JMJD1C: variants seen among roughly 807,000 people sequenced by gnomAD.
JMJD1C encodes the protein jumonji domain containing 1C.
A neutral mutation model predicts 245.3 loss-of-function variants in JMJD1C; 31 were observed. That is an observed-to-expected ratio of 0.13 (90% CI 0.09 to 0.17). The LOEUF is 0.17. Among genes scored for constraint, JMJD1C ranks in the 10% least tolerant of loss-of-function variants. JMJD1C has a pLI of 1.00. For synonymous variants in JMJD1C, 1,057 were observed against 1,017.4 expected (o/e 1.04, Z -0.74); for missense variants, 2,691 against 3,000.2 (o/e 0.90, Z 2.41).
intron 2 of JMJD1C, among the ~76,000 whole-genome samples, chr10:63,276,556 G>A (rs1479200452): frequency 1.3e-5 from 2 of 152,084 alleles, no homozygotes; most frequent in African/African-American, 4.8e-5. Context: ...ATGGTGGCAG[G>A]TGCCTGTGAT....
rs1846878588 is a variant in JMJD1C, at chr10:63,208,147, G to A, written c.3522C>T (p.His1174=). 1.9e-6 allele frequency: 3 copies of A among 1,614,082 alleles called. No individual in the cohort carries two copies. The highest frequency in any genetic ancestry group is 2.5e-6 in the Non-Finnish European group (3 of 1,180,030). Residue 1174 remains histidine (H), a synonymous_variant, in exon 10 of 26, where the codon CAC becomes CAT. Transcript: ENST00000399262. Reference sequence around the variant, plus strand: ...AATCATTTCTGAAGGTTGTTACTGAGTGAGATGCAATCTGATGTGGAAGAT... The same window carrying A: ...AATCATTTCTGAAGGTTGTTACTGAATGAGATGCAATCTGATGTGGAAGAT... ...PEHLPHQIAS[H]SVTTFRNDCR...
intron 1 of JMJD1C, among the ~76,000 whole-genome samples, chr10:63,519,290 T>C (rs750828223): frequency 6.6e-6 from 1 of 152,212 alleles, no homozygotes; most frequent in Non-Finnish European, 1.5e-5. Context: ...CCTGAAGGCA[T>C]TAATGTACTA....
intron 2 of JMJD1C, among the ~76,000 whole-genome samples, chr10:63,299,144 A>C (rs1050755655): frequency 6.6e-5 from 10 of 152,222 alleles, no homozygotes; most frequent in Non-Finnish European, 1.2e-4. Flanking sequence ...AAAGTTTAGA[A>C]ATAAAGATAT....
intron 1 of JMJD1C, among the ~76,000 whole-genome samples, chr10:63,392,869 C>CACACACACAA (rs1554918167): frequency 4.8e-3 from 403 of 83,536 alleles, no homozygotes; most frequent in East Asian, 0.035. Context: ...AGTACATAAA[C>CACACACACAA]ACACACACAC....
At chr10:63,437,429 CTCTT>C (rs1951119876) in intron 1 of JMJD1C, among the ~76,000 whole-genome samples, 1 of 152,156 alleles carries the variant, frequency 6.6e-6, no homozygotes, top group Non-Finnish European at 1.5e-5. Flanking sequence ...AATACAGTAT[CTCTT>C]TCTTCTCTTC....
chr10:63,373,871 T>G (rs544747421), intron 2 of JMJD1C, among the ~76,000 whole-genome samples: 2 of 152,278 alleles, frequency 1.3e-5, no homozygotes, highest in South Asian at 2.1e-4. Flanking sequence ...CAATAAAATC[T>G]CAGTCATATC....
intron 1 of JMJD1C, among the ~76,000 whole-genome samples, chr10:63,447,731 G>C (rs1337575858): frequency 3.3e-5 from 5 of 151,870 alleles, no homozygotes; most frequent in Non-Finnish European, 7.4e-5. Flanking sequence ...TCTAGTTGCA[G>C]TATGTCAACC....
intron 2 of JMJD1C, among the ~76,000 whole-genome samples, chr10:63,339,070 A>C (rs1166816064): frequency 6.6e-6 from 1 of 152,236 alleles, no homozygotes; most frequent in Non-Finnish European, 1.5e-5. Context: ...TGGTAAAAAA[A>C]CAAAAAATAT....
At position 63,269,981 on chromosome 10, in the gene JMJD1C, A is replaced by T. The variant is rs191386112; in HGVS notation, c.334-5217T>A. Among the ~76,000 whole-genome samples the T allele has an allele frequency of 4.6e-5, 7 of 152,196 alleles. 2 individuals are homozygous for T. The East Asian group carries it at 1.4e-3, about 29-fold the overall frequency. ...GATGTACAAAATACACATTGAATAT[A>T]AAAAAAATTAAGAGGTATCTCATGA... On this transcript the variant is annotated intron_variant, in intron 2 of 25. Coordinates refer to ENST00000399262, the MANE Select transcript of JMJD1C (RefSeq NM_032776.3).
intron 2 of JMJD1C, 135 bp downstream of exon 2, chr10:63,380,183 A>G (rs1947101914): frequency 1.2e-6 from 1 of 801,334 alleles, no homozygotes; most frequent in African/African-American, 1.7e-5. Context: ...GCTTCAAGCA[A>G]TTGTCCTGCT....
At chr10:63,349,100 C>CAAAAAAAAAAAAAAA (rs71463516) in intron 2 of JMJD1C, among the ~76,000 whole-genome samples, 1 of 34,866 alleles carries the variant, frequency 2.9e-5, no homozygotes, top group African/African-American at 1.2e-4. Context: ...GACTCTGTCT[C>CAAAAAAAAAAAAAAA]AAAAAAAAAA....
At chr10:63,233,815 G>T (rs1000104266) in intron 3 of JMJD1C, among the ~76,000 whole-genome samples, 5 of 150,918 alleles carry the variant, frequency 3.3e-5, no homozygotes, top group African/African-American at 1.2e-4. Flanking sequence ...GATATTACCA[G>T]TAATTTCTTT....
chr10:63,297,384 T>C (rs1275281797), intron 2 of JMJD1C, among the ~76,000 whole-genome samples: 1 of 152,204 alleles, frequency 6.6e-6, no homozygotes, highest in Non-Finnish European at 1.5e-5. Flanking sequence ...GGACTACCTG[T>C]CTGCAGATAG....
chr10:63,186,500 CTCA>C (rs1241990352), intron 18 of JMJD1C, 117 bp from the exon 19 acceptor site: 1 of 691,504 alleles, frequency 1.4e-6, no homozygotes, highest in Non-Finnish European at 2.3e-6. Context: ...GAGCAGTGGC[CTCA>C]TCATACCTGA....
At chr10:63,491,861 T>C (rs946086776) in intron 1 of JMJD1C, among the ~76,000 whole-genome samples, 1 of 152,200 alleles carries the variant, frequency 6.6e-6, no homozygotes, top group Admixed American at 6.5e-5. Flanking sequence ...ACACTTCTAG[T>C]GGAGTCCCAA....
chr10:63,182,418 T>C (rs1371742281), intron 22 of JMJD1C, among the ~76,000 whole-genome samples: 3 of 152,140 alleles, frequency 2.0e-5, no homozygotes, highest in East Asian at 1.9e-4. Flanking sequence ...GCAGTAGCAA[T>C]AGTAAATTTC....
upstream of JMJD1C, among the ~76,000 whole-genome samples, chr10:63,470,963 C>A (rs1393878663): frequency 1.3e-5 from 2 of 152,040 alleles, no homozygotes; most frequent in African/African-American, 4.8e-5. Flanking sequence ...TCAGAAAATT[C>A]CTAATCTGCT....
intron 23 of JMJD1C, chr10:63,176,798 ATTTTT>A (rs10577726): frequency 2.2e-3 from 305 of 135,564 alleles, no homozygotes; most frequent in Middle Eastern, 3.7e-3. Context: ...GGAACAGGGT[ATTTTT>A]TTTTTTTTTT....
chr10:63,195,390 A>T (rs1845346572), intron 13 of JMJD1C, among the ~76,000 whole-genome samples: 1 of 151,970 alleles, frequency 6.6e-6, no homozygotes, highest in African/African-American at 2.4e-5. Context: ...ATTGTTTCAT[A>T]AAAATATACA....
Sources: allele counts gnomAD v4.1 joint callset (sites outside exome capture counted in the v4.1 genomes callset), GRCh38; gene constraint gnomAD v4.1.1; transcripts MANE v1.5; gene names NCBI Gene and HGNC (gene_info 2026-07-23, HGNC 2026-07-21).